HS6ST3: variants seen among roughly 807,000 people sequenced by gnomAD.
HS6ST3 encodes heparan-sulfate 6-O-sulfotransferase 3.
Under a neutral mutation model 36.7 loss-of-function variants are expected in HS6ST3, and 12 were observed. The ratio of observed to expected loss-of-function variants is 0.33; its 90% CI spans 0.21 to 0.53. The LOEUF (loss-of-function observed/expected upper bound fraction) is 0.53, where lower values mean the gene tolerates loss of function less well. HS6ST3 is among the 20% of genes least tolerant of loss of function. The pLI is 0.95. For missense variants in HS6ST3, 584 were observed against 640.9 expected, an observed-to-expected ratio of 0.91 and a Z score of 0.96; for synonymous variants, 240 against 257.5, an observed-to-expected ratio of 0.93 and a Z score of 0.65.
intron 1 of HS6ST3, among the ~76,000 whole-genome samples, chr13:96,462,657 A>G (rs571303337): frequency 8.5e-5 from 13 of 152,334 alleles, no homozygotes; most frequent in African/African-American, 2.6e-4. Context: ...GACTGGAGGA[A>G]GAAGCAAAAC....
intron 1 of HS6ST3, among the ~76,000 whole-genome samples, chr13:96,493,577 T>C (rs1302069122): frequency 2.0e-5 from 3 of 152,190 alleles, no homozygotes. Context: ...TTAAAATAAA[T>C]TAATATTTCC....
At chr13:96,104,004 A>C (rs1187171023) in intron 1 of HS6ST3, among the ~76,000 whole-genome samples, 1 of 149,848 alleles carries the variant, frequency 6.7e-6, no homozygotes, top group Non-Finnish European at 1.5e-5. Flanking sequence ...GAAAATTATC[A>C]TGAAATTAAT....
Position 96,091,164 on chromosome 13 carries a change from GGGAGGAAGAGGA to G in HS6ST3, c.312_323del (p.Glu104_Glu107del). 6.5e-7 allele frequency: 1 copy of G among 1,545,278 alleles called. No homozygotes were observed. Among genetic ancestry groups the G allele is most frequent in the Non-Finnish European group, 8.7e-7 (1 of 1,144,346 alleles). ...GAGGAGCCCGGAGACCCCCGGGAGG[GGGAGGAAGAGGA>G]GGAGGAAGACGAGCCGGACCCCGAG... On this transcript the variant is annotated inframe_deletion, in exon 1 of 2. Transcript: ENST00000376705.
At chr13:96,260,139 T>A (rs2054656804) in intron 1 of HS6ST3, among the ~76,000 whole-genome samples, 1 of 152,218 alleles carries the variant, frequency 6.6e-6, no homozygotes. Context: ...TTCGATATCC[T>A]TGCTTGAATC....
chr13:96,238,270 G>A (rs2054544019), intron 1 of HS6ST3, among the ~76,000 whole-genome samples: 1 of 151,996 alleles, frequency 6.6e-6, no homozygotes, highest in Non-Finnish European at 1.5e-5. Context: ...CATAGTACAG[G>A]CCCATGTCTA....
intron 1 of HS6ST3, among the ~76,000 whole-genome samples, chr13:96,226,964 G>A (rs114652908): frequency 2.7e-4 from 41 of 152,238 alleles, no homozygotes; most frequent in African/African-American, 8.9e-4. Flanking sequence ...TATCTGGCTA[G>A]TGTGCTGCAT....
chr13:96,093,118 T>C (rs1023208921), intron 1 of HS6ST3, among the ~76,000 whole-genome samples: 2 of 152,210 alleles, frequency 1.3e-5, no homozygotes, highest in African/African-American at 4.8e-5. Flanking sequence ...TAATTCCTGA[T>C]TGACCTCAAA....
In HS6ST3 at chr13:96,799,619, T is replaced by C. The variant is rs1594862824; in HGVS notation, c.708-32871T>C. ...ACACAGGAAGGGGAACATCACACAC[T>C]GGGGACTGTTGTGGGGTGGAGGGAG... On this transcript the variant is annotated intron_variant, in intron 1 of 1. Coordinates refer to ENST00000376705, the MANE Select transcript of HS6ST3 (RefSeq NM_153456.4). Among the ~76,000 whole-genome samples the C allele has an allele frequency of 3.7e-5, 4 of 107,976 alleles. No homozygotes were observed. The South Asian group carries it at 1.4e-3, about 38-fold the overall frequency. 70.8% of individuals were successfully genotyped at this position (107,976 alleles called of 152,430 possible).
chr13:96,576,143 G>A (rs766858614), intron 1 of HS6ST3, among the ~76,000 whole-genome samples: 25 of 152,124 alleles, frequency 1.6e-4, no homozygotes, highest in African/African-American at 5.1e-4. Flanking sequence ...AGGCATCGCC[G>A]TCAAGTTTCT....
chr13:96,652,518 A>G (rs896928593), intron 1 of HS6ST3, among the ~76,000 whole-genome samples: 1 of 151,898 alleles, frequency 6.6e-6, no homozygotes, highest in Non-Finnish European at 1.5e-5. Flanking sequence ...GCTTTAATGT[A>G]CTTGGTACAC....
intron 1 of HS6ST3, among the ~76,000 whole-genome samples, chr13:96,498,129 G>T (rs1000393437): frequency 1.3e-5 from 2 of 152,194 alleles, no homozygotes; most frequent in Non-Finnish European, 2.9e-5. Flanking sequence ...GACAAGGTCT[G>T]TTGGGCCCAC....
At chr13:96,168,419 T>C (rs2054171007) in intron 1 of HS6ST3, among the ~76,000 whole-genome samples, 1 of 152,186 alleles carries the variant, frequency 6.6e-6, no homozygotes, top group Admixed American at 6.5e-5. Context: ...AAAATTACTA[T>C]TTCAGGTCAG....
intron 1 of HS6ST3, among the ~76,000 whole-genome samples, chr13:96,676,795 A>G (rs2056700289): frequency 6.6e-6 from 1 of 152,260 alleles, no homozygotes. Context: ...TCTCTCTTTC[A>G]TCTGTAAGAT....
chr13:96,242,104 G>A (rs1411583349), intron 1 of HS6ST3, among the ~76,000 whole-genome samples: 2 of 151,920 alleles, frequency 1.3e-5, no homozygotes, highest in Non-Finnish European at 2.9e-5. Context: ...ATTTTCTAAT[G>A]TTAAAGAAGT....
Position 96,303,554 on chromosome 13 carries a change from T to G in HS6ST3, c.707+211985T>G, listed in dbSNP as rs545379506. ...TGTGCTGGGAAGGATGAATGAAGAG[T>G]CCCTGTCTTTAAGGAACTCAAAGAA... On this transcript the variant is annotated intron_variant, in intron 1 of 1. Transcript: ENST00000376705. Among the ~76,000 whole-genome samples the G allele has an allele frequency of 8.0e-4, 122 of 152,072 alleles. No individual in the cohort carries two copies. In the Middle Eastern group the frequency reaches 0.024, roughly 30 times the overall value.
intron 1 of HS6ST3, among the ~76,000 whole-genome samples, chr13:96,623,309 A>G (rs1397870969): frequency 6.6e-6 from 1 of 152,168 alleles, no homozygotes; most frequent in East Asian, 1.9e-4. Flanking sequence ...ACTCTAGTAT[A>G]TCTCCCTGTG....
At chr13:96,405,013 G>T (rs1019692118) in intron 1 of HS6ST3, among the ~76,000 whole-genome samples, 3 of 152,116 alleles carry the variant, frequency 2.0e-5, no homozygotes, top group Admixed American at 1.3e-4. Flanking sequence ...GCCACCATCC[G>T]CATTAAGATG....
At chr13:96,374,699 A>G (rs1364235086) in intron 1 of HS6ST3, among the ~76,000 whole-genome samples, 1 of 152,158 alleles carries the variant, frequency 6.6e-6, no homozygotes, top group Non-Finnish European at 1.5e-5. Flanking sequence ...GCCTGCAGGC[A>G]TCACAAAAAG....
intron 1 of HS6ST3, among the ~76,000 whole-genome samples, chr13:96,796,279 C>T (rs1424993725): frequency 1.3e-5 from 2 of 151,996 alleles, no homozygotes; most frequent in Non-Finnish European, 2.9e-5. Context: ...TTTCCTTTTC[C>T]ACATGACAGC....
Sources: gnomAD v4.1 joint callset for allele counts (sites outside exome capture counted in the v4.1 genomes callset) on GRCh38, gnomAD v4.1.1 for gene constraint, MANE v1.5 for transcripts, NCBI Gene and HGNC (gene_info 2026-07-23, HGNC 2026-07-21) for gene names.